The following CACUL1 variants were observed in gnomAD, a reference collection of about 807,000 sequenced individuals.
CACUL1 encodes the protein CDK2 associated cullin domain 1, also known as CDK2-associated and cullin domain-containing protein 1.
CACUL1 carries 13 observed loss-of-function variants against 45.2 expected under a neutral mutation model. The observed-to-expected ratio is 0.29, with a 90% CI of 0.19 to 0.46. The LOEUF (loss-of-function observed/expected upper bound fraction) is 0.46. Ranked by LOEUF, CACUL1 falls within the 20% of genes least tolerant of loss-of-function variation. The probability of loss-of-function intolerance (pLI) is 1.00; values close to 1 mark genes in which losing one functional copy is unlikely to be tolerated. For missense variants in CACUL1, 421 were observed against 471.4 expected, an observed-to-expected ratio of 0.89 and a Z score of 0.99; for synonymous variants, 197 against 174.2, an observed-to-expected ratio of 1.13 and a Z score of -1.03.
chr10:118,723,817 T>G (rs1012089656), intron 3 of CACUL1, among the ~76,000 whole-genome samples: 1 of 152,072 alleles, frequency 6.6e-6, no homozygotes, highest in Admixed American at 6.6e-5. Context: ...GCTCTGTCGC[T>G]CAGGCTGGAG....
intron 5 of CACUL1, 57 bp downstream of exon 5, chr10:118,701,249 A>AT (rs1845376823): frequency 2.0e-6 from 2 of 1,005,016 alleles, no homozygotes; most frequent in Non-Finnish European, 1.5e-6. Flanking sequence ...CAAAAAAAAA[A>AT]GAAAAAGGAA....
rs116239113 is a variant in CACUL1 at position 118,707,144 on chromosome 10, G to A, written c.693+348C>T. On this transcript the variant is annotated intron_variant, in intron 4 of 8. Transcript: ENST00000369151. The stretch of plus-strand genomic sequence containing the variant: ...CTATTTTTATGGAATGATTTACTTG[G>A]CATTTTACTTTCTGAGGACAAGAAA... Among the ~76,000 whole-genome samples the A allele has an allele frequency of 5.3e-3, 810 of 152,266 alleles. 5 individuals carry two copies. Among genetic ancestry groups the A allele is most frequent in the African/African-American group, 0.018 (733 of 41,556 alleles).
rs1001839744 is a variant in CACUL1, at chr10:118,754,881, G to A, written c.-119C>T. 15 of 1,380,252 alleles carry A rather than the reference G, an allele frequency of 1.1e-5. No homozygotes were observed. Among genetic ancestry groups the A allele is most frequent in the South Asian group, 2.9e-5 (2 of 70,116 alleles). 85.5% of individuals were successfully genotyped at this position (1,380,252 alleles called of 1,614,324 possible). The stretch of plus-strand genomic sequence containing the variant: ...GCCGGCGGCAGGAATGGGCGCAGCG[G>A]AGAGGGCTGCGGTGCGCAGGGTCTC... On this transcript the variant is annotated 5_prime_UTR_variant, in exon 1 of 9. Coordinates refer to ENST00000369151, the MANE Select transcript of CACUL1 (RefSeq NM_153810.5).
chr10:118,735,262 T>C (rs1845729749), intron 1 of CACUL1, among the ~76,000 whole-genome samples: 1 of 152,282 alleles, frequency 6.6e-6, no homozygotes, highest in Admixed American at 6.5e-5. Context: ...AGCCCTACTA[T>C]ATAATCCTTT....
intron 1 of CACUL1, among the ~76,000 whole-genome samples, chr10:118,741,052 C>T (rs1402190659): frequency 6.6e-6 from 1 of 151,892 alleles, no homozygotes; most frequent in African/African-American, 2.4e-5. Context: ...TAAGCAGTAA[C>T]AATATCACCA....
intron 3 of CACUL1, among the ~76,000 whole-genome samples, chr10:118,724,684 T>C (rs947713475): frequency 1.3e-5 from 2 of 152,130 alleles, no homozygotes; most frequent in Non-Finnish European, 2.9e-5. Context: ...ATTAAAAGAA[T>C]ATTCCACTAG....
chr10:118,732,043 G>C (rs564922397), intron 1 of CACUL1, among the ~76,000 whole-genome samples: 68 of 152,280 alleles, frequency 4.5e-4, no homozygotes, highest in African/African-American at 1.6e-3. Flanking sequence ...GGTCCTTATG[G>C]GCCATTGTAA....
intron 4 of CACUL1, among the ~76,000 whole-genome samples, chr10:118,702,873 T>C (rs901715121): frequency 6.6e-6 from 1 of 152,118 alleles, no homozygotes; most frequent in African/African-American, 2.4e-5. Flanking sequence ...TGAGCCACCA[T>C]GCCTGGCAAA....
chr10:118,715,906 T>A (rs377061181), intron 3 of CACUL1, among the ~76,000 whole-genome samples: 13 of 152,188 alleles, frequency 8.5e-5, no homozygotes, highest in African/African-American at 2.9e-4. Flanking sequence ...GTACGTTCAT[T>A]GAAATTTTTA....
chr10:118,705,200 A>G (rs1404095474), intron 4 of CACUL1, among the ~76,000 whole-genome samples: 1 of 152,146 alleles, frequency 6.6e-6, no homozygotes, highest in African/African-American at 2.4e-5. Flanking sequence ...CCCCTTTTTA[A>G]ATTAATAAAA....
chr10:118,689,113 T>G (rs557029035), intron 7 of CACUL1, among the ~76,000 whole-genome samples: 9 of 152,344 alleles, frequency 5.9e-5, no homozygotes, highest in Admixed American at 4.6e-4. Flanking sequence ...AGACAGGCTG[T>G]ACTATATTCT....
chr10:118,750,924 C>G (rs1361515910), intron 1 of CACUL1, among the ~76,000 whole-genome samples: 1 of 151,964 alleles, frequency 6.6e-6, no homozygotes, highest in African/African-American at 2.4e-5. Context: ...TGTAATAATC[C>G]CATCAGGGAA....
At chr10:118,737,970 A>G (rs965225476) in intron 1 of CACUL1, among the ~76,000 whole-genome samples, 1 of 152,274 alleles carries the variant, frequency 6.6e-6, no homozygotes, top group Non-Finnish European at 1.5e-5. Context: ...AACTGAGATT[A>G]CATAGGTGTA....
rs866574740 is a variant in CACUL1 at position 118,680,562 on chromosome 10, T to C, written c.*5566A>G. 4 of 152,122 alleles carry C rather than the reference T, an allele frequency of 2.6e-5. No homozygotes were observed. The South Asian group carries it at 6.2e-4, about 24-fold the overall frequency. 9.4% of individuals were successfully genotyped at this position (152,122 alleles called of 1,614,324 possible). A position where few individuals can be genotyped will look rare whatever the true frequency, so the allele number is the denominator to read the frequency against. Reference sequence around the variant, plus strand: ...AACCTAGGGGATGACACTAATTTCATAGCAAGAAAACACAAAGGGTTATAA... The same window carrying C: ...AACCTAGGGGATGACACTAATTTCACAGCAAGAAAACACAAAGGGTTATAA... On this transcript the variant is annotated 3_prime_UTR_variant, in exon 9 of 9. Coordinates refer to ENST00000369151, the MANE Select transcript of CACUL1 (RefSeq NM_153810.5).
At chr10:118,730,637 A>G (rs1564836762) in intron 1 of CACUL1, among the ~76,000 whole-genome samples, 1 of 152,240 alleles carries the variant, frequency 6.6e-6, no homozygotes, top group Non-Finnish European at 1.5e-5. Flanking sequence ...GAACCTGTCC[A>G]TCTTTAAAAA....
chr10:118,727,518 A>T (rs1845662874), intron 3 of CACUL1, among the ~76,000 whole-genome samples: 1 of 152,184 alleles, frequency 6.6e-6, no homozygotes, highest in Non-Finnish European at 1.5e-5. Context: ...GTTTCATAAT[A>T]GGCTGTATTA....
chr10:118,706,279 C>T (rs1044007805), intron 4 of CACUL1, among the ~76,000 whole-genome samples: 4 of 152,200 alleles, frequency 2.6e-5, no homozygotes, highest in Middle Eastern at 3.2e-3. Context: ...AACCTATTTA[C>T]CCAGCCTTAA....
Position 118,701,263 on chromosome 10 carries a change from T to C in CACUL1, c.796+43A>G, listed in dbSNP as rs372237607. ...CCAAAAAAAAAAGAAAAAGGAAAGA[T>C]CATTGCTAGTGTTATCTCACCCGTA... is the stretch of plus-strand genomic sequence containing the variant. On this transcript the variant is annotated intron_variant, in intron 5 of 8. Coordinates refer to ENST00000369151, the MANE Select transcript of CACUL1 (RefSeq NM_153810.5). 6.2e-5 allele frequency: 66 copies of C among 1,062,880 alleles called. No homozygotes were observed. The Middle Eastern group carries it at 8.7e-4, about 14-fold the overall frequency. The allele number at this position is 1,062,880 out of a possible 1,614,324, so 65.8% of individuals were successfully genotyped here. A position where few individuals can be genotyped will look rare whatever the true frequency, so the allele number is the denominator to read the frequency against.
At position 118,743,579 on chromosome 10, in the gene CACUL1, A is replaced by C. The variant is rs1457843445; in HGVS notation, c.367+10817T>G. 4.3e-4 allele frequency among the ~76,000 whole-genome samples: 65 copies of C among 152,114 alleles called. 1 individual carries two copies. The highest frequency in any genetic ancestry group is 4.3e-3 in the Admixed American group (65 of 15,286). On this transcript the variant is annotated intron_variant, in intron 1 of 8. Transcript: ENST00000369151. ...CCCTGTCGCTACTAAAAATACAAAAATTAGCCGGCCATGGTGGCGTTTGCC... is the reference window on the plus strand; with the variant it reads ...CCCTGTCGCTACTAAAAATACAAAACTTAGCCGGCCATGGTGGCGTTTGCC...
Sources: gnomAD v4.1 joint callset for allele counts (sites outside exome capture counted in the v4.1 genomes callset) on GRCh38, gnomAD v4.1.1 for gene constraint, MANE v1.5 for transcripts, NCBI Gene and HGNC (gene_info 2026-07-23, HGNC 2026-07-21) for gene names.